The following BCAR3 variants were observed in gnomAD, a reference collection of about 807,000 sequenced individuals.
The protein encoded by BCAR3 is breast cancer anti-estrogen resistance protein 3.
BCAR3 carries 37 observed loss-of-function variants against 80.1 expected under a neutral mutation model. The observed-to-expected ratio is 0.46, with a 90% confidence interval of 0.36 to 0.61. The LOEUF (loss-of-function observed/expected upper bound fraction) is 0.61. BCAR3 is among the 20% of genes least tolerant of loss of function. The pLI, the probability that BCAR3 is intolerant of heterozygous loss-of-function variation, is 0.00. For synonymous variants in BCAR3, 389 were observed against 418.9 expected (o/e 0.93, Z 0.87); for missense variants, 978 against 1,068.2 (o/e 0.92, Z 1.18).
chr1:93,689,135 G>A (rs1193151527), intron 3 of BCAR3, among the ~76,000 whole-genome samples: 3 of 152,162 alleles, frequency 2.0e-5, no homozygotes, highest in African/African-American at 7.2e-5. Context: ...TGGAGTGAGA[G>A]AAGGATGAGC....
chr1:93,699,345 C>T (rs1475554542), intron 3 of BCAR3, among the ~76,000 whole-genome samples: 2 of 152,212 alleles, frequency 1.3e-5, no homozygotes, highest in South Asian at 2.1e-4. Flanking sequence ...TGCTTCGGCA[C>T]TTGAAGCCAA....
At chr1:93,638,449 T>C (rs1035297469) in intron 3 of BCAR3, among the ~76,000 whole-genome samples, 7 of 152,208 alleles carry the variant, frequency 4.6e-5, no homozygotes, top group Non-Finnish European at 4.4e-5. Context: ...CACAGTGTAA[T>C]TGTGTTTTAA....
chr1:93,610,981 T>C (rs1252458704), intron 3 of BCAR3, among the ~76,000 whole-genome samples: 2 of 152,030 alleles, frequency 1.3e-5, no homozygotes, highest in East Asian at 3.9e-4. Flanking sequence ...TATTCCTAGT[T>C]CCCCACGAAA....
At chr1:93,803,955 T>G (rs558416622) in intron 2 of BCAR3, among the ~76,000 whole-genome samples, 2 of 152,342 alleles carry the variant, frequency 1.3e-5, no homozygotes, top group Admixed American at 1.3e-4. Flanking sequence ...AGAGGGATGA[T>G]TGATCCTATC....
intron 1 of BCAR3, among the ~76,000 whole-genome samples, chr1:93,677,568 A>G (rs1443435513): frequency 6.6e-6 from 1 of 152,184 alleles, no homozygotes; most frequent in African/African-American, 2.4e-5. Context: ...TGGAGGAACA[A>G]TGAAGAATTC....
At chr1:93,641,891 A>C (rs236266) in intron 3 of BCAR3, among the ~76,000 whole-genome samples, 7,193 of 152,270 alleles carry the variant, frequency 0.047, 259 homozygotes, top group East Asian at 0.1. Context: ...TGGTGGCAAA[A>C]TGTGACCTGA....
intron 3 of BCAR3, among the ~76,000 whole-genome samples, chr1:93,689,474 T>C (rs1299945774): frequency 6.7e-6 from 1 of 149,494 alleles, no homozygotes; most frequent in African/African-American, 2.5e-5. Flanking sequence ...GAGGTAGCAG[T>C]GAGCCGAGAT....
intron 3 of BCAR3, among the ~76,000 whole-genome samples, chr1:93,704,875 G>A (rs1166046866): frequency 1.3e-5 from 2 of 152,162 alleles, no homozygotes; most frequent in Admixed American, 6.5e-5. Flanking sequence ...TTACCTTCAA[G>A]GACTATGGCA....
intron 2 of BCAR3, among the ~76,000 whole-genome samples, chr1:93,717,728 A>G (rs1429570548): frequency 6.6e-6 from 1 of 152,070 alleles, no homozygotes; most frequent in Non-Finnish European, 1.5e-5. Context: ...TCAAAAAAAA[A>G]AAAAAAAAAG....
chr1:93,805,266 T>C (rs1653619218), intron 2 of BCAR3, among the ~76,000 whole-genome samples: 1 of 152,252 alleles, frequency 6.6e-6, no homozygotes, highest in East Asian at 1.9e-4. Flanking sequence ...GTATGAATAC[T>C]GACTAATACA....
chr1:93,673,522 T>C (rs970783083), intron 2 of BCAR3, among the ~76,000 whole-genome samples: 5 of 152,196 alleles, frequency 3.3e-5, no homozygotes, highest in African/African-American at 1.2e-4. Flanking sequence ...GCGACAAGCT[T>C]GGACAAAAAG....
intron 3 of BCAR3, among the ~76,000 whole-genome samples, chr1:93,688,623 T>G (rs1649055673): frequency 6.6e-6 from 1 of 152,138 alleles, no homozygotes; most frequent in African/African-American, 2.4e-5. Flanking sequence ...TGAGACAAAG[T>G]CTCACTCTGT....
chr1:93,677,971 T>C (rs1187464702), intron 1 of BCAR3, among the ~76,000 whole-genome samples: 5 of 152,210 alleles, frequency 3.3e-5, no homozygotes, highest in Admixed American at 3.3e-4. Flanking sequence ...ACAATACCCA[T>C]GAATTATACC....
At chr1:93,773,202 T>A (rs1345498106) in intron 2 of BCAR3, among the ~76,000 whole-genome samples, 1 of 152,210 alleles carries the variant, frequency 6.6e-6, no homozygotes, top group Non-Finnish European at 1.5e-5. Context: ...ATGCCTGCGT[T>A]TGAATCTACA....
chr1:93,789,660 A>G (rs573791621), intron 2 of BCAR3, among the ~76,000 whole-genome samples: 3 of 152,346 alleles, frequency 2.0e-5, no homozygotes, highest in Non-Finnish European at 4.4e-5. Flanking sequence ...TCAAATCAGA[A>G]TTCTGAAATG....
chr1:93,774,483 CAAA>C (rs368408896), intron 2 of BCAR3, among the ~76,000 whole-genome samples: 3 of 124,432 alleles, frequency 2.4e-5, no homozygotes, highest in Non-Finnish European at 3.4e-5. Context: ...GATTCTGTTT[CAAA>C]AAAAAAAAAA....
intron 2 of BCAR3, among the ~76,000 whole-genome samples, chr1:93,711,490 A>G (rs1650020407): frequency 6.6e-6 from 1 of 152,196 alleles, no homozygotes; most frequent in Non-Finnish European, 1.5e-5. Flanking sequence ...TAAGGGCAAG[A>G]TTTGGAAGAG....
intron 3 of BCAR3, among the ~76,000 whole-genome samples, chr1:93,623,908 TTAA>T (rs1444267139): frequency 6.6e-6 from 1 of 152,176 alleles, no homozygotes; most frequent in Non-Finnish European, 1.5e-5. Flanking sequence ...TATACACCCA[TTAA>T]TAATAGGGTT....
intron 2 of BCAR3, among the ~76,000 whole-genome samples, chr1:93,758,952 G>A (rs924793683): frequency 6.6e-6 from 1 of 152,176 alleles, no homozygotes; most frequent in Admixed American, 6.5e-5. Context: ...AATGGTGGAA[G>A]GTTCTGGGCC....
Sources: allele counts gnomAD v4.1 joint callset (sites outside exome capture counted in the v4.1 genomes callset), GRCh38; gene constraint gnomAD v4.1.1; transcripts MANE v1.5; gene names NCBI Gene and HGNC (gene_info 2026-07-23, HGNC 2026-07-21).